Variants in GATB observed in about 807,000 individuals in gnomAD.
GATB encodes the protein glutamyl-tRNA amidotransferase subunit B.
Under a neutral mutation model 62.3 loss-of-function variants are expected in GATB, and 39 were observed. That is an observed-to-expected ratio of 0.63 (90% CI 0.48 to 0.82). The LOEUF is 0.82. Among genes scored for constraint, GATB ranks in the 40% least tolerant of loss-of-function variants. GATB has a pLI of 0.00. For synonymous variants in GATB, 276 were observed against 258.9 expected, an observed-to-expected ratio of 1.07 and a Z score of -0.63; for missense variants, 670 against 684.0, an observed-to-expected ratio of 0.98 and a Z score of 0.23.
chr4:151,719,640 C>G (rs745877248), intron 2 of GATB, 102 bp from the exon 3 acceptor site: 3 of 689,110 alleles, frequency 4.4e-6, no homozygotes, highest in South Asian at 2.2e-5. Context: ...GGCCCTTCAA[C>G]AGGCATTATC....
chr4:151,731,326 G>A (rs1560859915), intron 2 of GATB, among the ~76,000 whole-genome samples: 1 of 152,172 alleles, frequency 6.6e-6, no homozygotes, highest in African/African-American at 2.4e-5. Context: ...CATGTTGGCC[G>A]GGCTGATCTC....
intron 3 of GATB, among the ~76,000 whole-genome samples, chr4:151,718,527 C>A (rs965233386): frequency 6.6e-6 from 1 of 152,092 alleles, no homozygotes; most frequent in East Asian, 1.9e-4. Context: ...TAATTCTTTC[C>A]GCCCTACCAA....
chr4:151,684,483 C>T (rs1201893010), intron 10 of GATB, among the ~76,000 whole-genome samples: 2 of 152,226 alleles, frequency 1.3e-5, no homozygotes, highest in Non-Finnish European at 2.9e-5. Flanking sequence ...TCATTCTCTA[C>T]CAATTTGATC....
intron 5 of GATB, among the ~76,000 whole-genome samples, chr4:151,713,935 CA>C (rs1738866488): frequency 6.6e-6 from 1 of 152,224 alleles, no homozygotes; most frequent in Admixed American, 6.5e-5. Flanking sequence ...CAAACACTAC[CA>C]CCTACTTCTC....
At chr4:151,744,818 CATT>C (rs1211643755) in intron 2 of GATB, among the ~76,000 whole-genome samples, 2 of 152,160 alleles carry the variant, frequency 1.3e-5, no homozygotes, top group Non-Finnish European at 2.9e-5. Context: ...TGAAAGTCAT[CATT>C]GTCATGAGTC....
intron 3 of GATB, 93 bp downstream of exon 3, chr4:151,719,332 A>G: frequency 1.2e-6 from 1 of 855,644 alleles, no homozygotes; most frequent in East Asian, 2.6e-5. Flanking sequence ...AAAACATGAG[A>G]GGCACAGCCC....
intron 9 of GATB, chr4:151,691,604 C>T (rs1286189992): frequency 6.6e-6 from 1 of 152,248 alleles, no homozygotes; most frequent in African/African-American, 2.4e-5. Flanking sequence ...CCTCAGTCTA[C>T]CCTGCACTAG....
At chr4:151,756,233 A>G (rs758264837) in intron 2 of GATB, among the ~76,000 whole-genome samples, 4 of 152,224 alleles carry the variant, frequency 2.6e-5, no homozygotes, top group Non-Finnish European at 4.4e-5. Flanking sequence ...ATAATGTTCT[A>G]CTAAAATCCT....
chr4:151,740,090 G>C (rs1248741361), intron 2 of GATB, among the ~76,000 whole-genome samples: 3 of 152,212 alleles, frequency 2.0e-5, no homozygotes, highest in African/African-American at 7.2e-5. Flanking sequence ...GCTATTATCT[G>C]TAATAAAGCT....
chr4:151,756,154 C>A (rs969808173), intron 2 of GATB, among the ~76,000 whole-genome samples: 1 of 152,140 alleles, frequency 6.6e-6, no homozygotes, highest in Non-Finnish European at 1.5e-5. Flanking sequence ...ATAAGCCCTG[C>A]GCAGAAAGAG....
At chr4:151,712,425 G>C (rs1054743972) in intron 5 of GATB, among the ~76,000 whole-genome samples, 5 of 152,170 alleles carry the variant, frequency 3.3e-5, no homozygotes, top group African/African-American at 9.7e-5. Context: ...CTATCTTCTA[G>C]AAGTAGAGAT....
At chr4:151,696,867 A>G (rs1475635410) in intron 9 of GATB, among the ~76,000 whole-genome samples, 6 of 152,346 alleles carry the variant, frequency 3.9e-5, no homozygotes, top group East Asian at 1.9e-4. Flanking sequence ...TTGTATTATA[A>G]TAACTACTAC....
intron 9 of GATB, among the ~76,000 whole-genome samples, chr4:151,697,414 G>T (rs1352066798): frequency 6.6e-6 from 1 of 151,786 alleles, no homozygotes; most frequent in Non-Finnish European, 1.5e-5. Context: ...CTTATAAGTG[G>T]GTACACTCTG....
chr4:151,685,125 C>T (rs929134609), intron 10 of GATB, among the ~76,000 whole-genome samples: 14 of 152,226 alleles, frequency 9.2e-5, no homozygotes, highest in Non-Finnish European at 8.8e-5. Flanking sequence ...TTTTAACCAA[C>T]AACATAGAAA....
intron 2 of GATB, among the ~76,000 whole-genome samples, chr4:151,741,579 TC>T (rs1739488616): frequency 2.0e-5 from 3 of 152,282 alleles, no homozygotes; most frequent in East Asian, 3.9e-4. Context: ...CCTGGAGACT[TC>T]CATTACTAGG....
At chr4:151,722,015 C>G in intron 2 of GATB, 1 of 574,254 alleles carries the variant, frequency 1.7e-6, no homozygotes, top group Non-Finnish European at 3.1e-6. Context: ...ACTTCAAGGT[C>G]AGAATTATAA....
intron 10 of GATB, among the ~76,000 whole-genome samples, chr4:151,680,356 A>C (rs927119238): frequency 6.6e-6 from 1 of 152,108 alleles, no homozygotes; most frequent in Non-Finnish European, 1.5e-5. Flanking sequence ...AAATTGCAAG[A>C]GATTTTCTGC....
chr4:151,693,149 A>G (rs1406738698), intron 9 of GATB, among the ~76,000 whole-genome samples: 1 of 151,902 alleles, frequency 6.6e-6, no homozygotes, highest in Non-Finnish European at 1.5e-5. Flanking sequence ...AAAGTGAGAA[A>G]AACAAAACTC....
intron 2 of GATB, among the ~76,000 whole-genome samples, chr4:151,736,496 T>A (rs1171805026): frequency 6.6e-6 from 1 of 152,202 alleles, no homozygotes; most frequent in Non-Finnish European, 1.5e-5. Context: ...AAGACATCTG[T>A]GACTGAAAAC....
Sources: gnomAD v4.1 joint callset for allele counts (sites outside exome capture counted in the v4.1 genomes callset) on GRCh38, gnomAD v4.1.1 for gene constraint, MANE v1.5 for transcripts, NCBI Gene and HGNC (gene_info 2026-07-23, HGNC 2026-07-21) for gene names.